The following KCNQ3 variants were observed in gnomAD, a reference collection of about 807,000 sequenced individuals.
The protein encoded by KCNQ3 is potassium voltage-gated channel subfamily KQT member 3.
A neutral mutation model predicts 92.5 loss-of-function variants in KCNQ3; 30 were observed. The observed-to-expected ratio is 0.32, with a 90% confidence interval of 0.24 to 0.44. The LOEUF is 0.44. Among genes scored for constraint, KCNQ3 ranks in the 20% least tolerant of loss-of-function variants. The pLI, the probability that KCNQ3 is intolerant of heterozygous loss-of-function variation, is 1.00. For synonymous variants in KCNQ3, 450 were observed against 468.8 expected (o/e 0.96, Z 0.52); for missense variants, 913 against 1,140.3 (o/e 0.80, Z 2.87).
intron 1 of KCNQ3, among the ~76,000 whole-genome samples, chr8:132,418,990 A>G (rs1820894022): frequency 6.6e-6 from 1 of 152,166 alleles, no homozygotes; most frequent in East Asian, 1.9e-4. Flanking sequence ...CATCTGTAAA[A>G]TGGGCATTAC....
chr8:132,285,362 A>C (rs1331455978), intron 1 of KCNQ3, among the ~76,000 whole-genome samples: 1 of 152,222 alleles, frequency 6.6e-6, no homozygotes, highest in African/African-American at 2.4e-5. Flanking sequence ...TTTTTATGAG[A>C]TATCAGATGG....
At chr8:132,435,368 G>A (rs1268781397) in intron 1 of KCNQ3, among the ~76,000 whole-genome samples, 4 of 152,148 alleles carry the variant, frequency 2.6e-5, no homozygotes, top group South Asian at 2.1e-4. Context: ...CGTGCCAGCC[G>A]ACCAGTTCAG....
chr8:132,360,005 C>A (rs2130720629), intron 1 of KCNQ3, among the ~76,000 whole-genome samples: 1 of 152,342 alleles, frequency 6.6e-6, no homozygotes, highest in South Asian at 2.1e-4. Flanking sequence ...CCCACTTCCC[C>A]TGATGCCATC....
At chr8:132,303,135 G>C (rs1214731276) in intron 1 of KCNQ3, among the ~76,000 whole-genome samples, 1 of 152,154 alleles carries the variant, frequency 6.6e-6, no homozygotes, top group Admixed American at 6.5e-5. Context: ...CAGAGATCTT[G>C]CTGATCTATA....
chr8:132,216,148 G>A (rs545885868), intron 1 of KCNQ3, among the ~76,000 whole-genome samples: 9 of 152,228 alleles, frequency 5.9e-5, no homozygotes, highest in African/African-American at 1.9e-4. Flanking sequence ...AGAAAAAATG[G>A]AAGGCTTTAC....
At chr8:132,377,847 A>T (rs1819651483) in intron 1 of KCNQ3, among the ~76,000 whole-genome samples, 1 of 152,194 alleles carries the variant, frequency 6.6e-6, no homozygotes, top group African/African-American at 2.4e-5. Flanking sequence ...TATGTCAATA[A>T]TTAAATGAAT....
intron 1 of KCNQ3, among the ~76,000 whole-genome samples, chr8:132,333,352 C>G (rs908840119): frequency 6.6e-6 from 1 of 152,172 alleles, no homozygotes; most frequent in African/African-American, 2.4e-5. Flanking sequence ...ATATTTAAAA[C>G]ATTTCCATAC....
At chr8:132,325,196 TA>T (rs1174566829) in intron 1 of KCNQ3, among the ~76,000 whole-genome samples, 1 of 151,822 alleles carries the variant, frequency 6.6e-6, no homozygotes, top group Non-Finnish European at 1.5e-5. Flanking sequence ...AGTCAGTCAA[TA>T]AAAGGAAAGA....
At chr8:132,430,518 T>G (rs1821219966) in intron 1 of KCNQ3, among the ~76,000 whole-genome samples, 1 of 152,180 alleles carries the variant, frequency 6.6e-6, no homozygotes. Context: ...TTTTCTCCTG[T>G]GTGAAATCAA....
chr8:132,405,892 C>T (rs1174911657), intron 1 of KCNQ3, among the ~76,000 whole-genome samples: 1 of 152,118 alleles, frequency 6.6e-6, no homozygotes. Context: ...CTGTCCTGAA[C>T]TGTAACTGCT....
chr8:132,273,667 C>T (rs1816235156), intron 1 of KCNQ3, among the ~76,000 whole-genome samples: 1 of 152,154 alleles, frequency 6.6e-6, no homozygotes, highest in Non-Finnish European at 1.5e-5. Context: ...ATTTTCCAAA[C>T]TTTTATGCTC....
intron 1 of KCNQ3, among the ~76,000 whole-genome samples, chr8:132,337,124 TC>T (rs1242990659): frequency 6.6e-6 from 1 of 152,186 alleles, no homozygotes; most frequent in Non-Finnish European, 1.5e-5. Flanking sequence ...TACATATAAT[TC>T]CAGAGGAGTG....
intron 1 of KCNQ3, among the ~76,000 whole-genome samples, chr8:132,252,449 A>C (rs764975583): frequency 4.6e-5 from 7 of 152,140 alleles, no homozygotes; most frequent in Non-Finnish European, 7.3e-5. Context: ...TCAGGACAGA[A>C]GCTGCAGACC....
intron 3 of KCNQ3, among the ~76,000 whole-genome samples, chr8:132,182,917 C>T (rs960440953): frequency 6.6e-6 from 1 of 151,908 alleles, no homozygotes; most frequent in African/African-American, 2.4e-5. Context: ...CACACACTCA[C>T]ATACCTTCCG....
At chr8:132,364,808 A>G (rs1479835550) in intron 1 of KCNQ3, among the ~76,000 whole-genome samples, 1 of 152,144 alleles carries the variant, frequency 6.6e-6, no homozygotes, top group African/African-American at 2.4e-5. Flanking sequence ...ACTATTACTT[A>G]TACTACTAAT....
intron 1 of KCNQ3, among the ~76,000 whole-genome samples, chr8:132,281,735 C>A (rs982248366): frequency 2.0e-5 from 3 of 152,122 alleles, no homozygotes; most frequent in Admixed American, 2.0e-4. Context: ...ATGTTTACTG[C>A]AGCCTGGGAG....
chr8:132,279,580 A>G (rs1443801370), intron 1 of KCNQ3, among the ~76,000 whole-genome samples: 1 of 152,234 alleles, frequency 6.6e-6, no homozygotes, highest in Non-Finnish European at 1.5e-5. Context: ...AGCATACTGC[A>G]TAGCACCTGG....
At chr8:132,373,485 A>T (rs1164400600) in intron 1 of KCNQ3, among the ~76,000 whole-genome samples, 1 of 145,896 alleles carries the variant, frequency 6.9e-6, no homozygotes, top group Non-Finnish European at 1.5e-5. Flanking sequence ...AGAGCTTGAC[A>T]TGTACTTCTT....
intron 1 of KCNQ3, among the ~76,000 whole-genome samples, chr8:132,202,674 C>G (rs1827498556): frequency 6.6e-6 from 1 of 152,130 alleles, no homozygotes; most frequent in Admixed American, 6.5e-5. Flanking sequence ...ACTGCCTTTA[C>G]TCTAGTTGCC....
Sources: allele counts gnomAD v4.1 joint callset (sites outside exome capture counted in the v4.1 genomes callset), GRCh38; gene constraint gnomAD v4.1.1; transcripts MANE v1.5; gene names NCBI Gene and HGNC (gene_info 2026-07-23, HGNC 2026-07-21).